Variants in NELL2 observed in about 807,000 individuals in gnomAD.
NELL2 encodes the protein neural EGFL like 2, also known as protein kinase C-binding protein NELL2.
In NELL2, 41 loss-of-function variants were observed where a neutral mutation model predicts 109.6. The observed-to-expected ratio is 0.37, with a 90% CI of 0.29 to 0.49. NELL2 has a LOEUF of 0.49. NELL2 is among the 20% of genes least tolerant of loss of function. The probability of loss-of-function intolerance (pLI) is 0.98; values close to 1 mark genes in which losing one functional copy is unlikely to be tolerated. For missense variants in NELL2, 900 were observed against 1,008.3 expected (o/e 0.89, Z 1.45); for synonymous variants, 355 against 344.7 (o/e 1.03, Z -0.33).
At chr12:44,797,622 A>G (rs961486108) in intron 3 of NELL2, among the ~76,000 whole-genome samples, 1 of 151,900 alleles carries the variant, frequency 6.6e-6, no homozygotes, top group African/African-American at 2.4e-5. Flanking sequence ...GCAATTAGAC[A>G]AAATTACAGA....
chr12:44,521,529 CAA>C (rs56713964), intron 18 of NELL2, among the ~76,000 whole-genome samples: 7 of 111,398 alleles, frequency 6.3e-5, no homozygotes, highest in Non-Finnish European at 3.6e-5. Flanking sequence ...GACTCCGTCT[CAA>C]AAAAAAAAAA....
At chr12:44,818,994 G>T (rs977619566) in intron 2 of NELL2, among the ~76,000 whole-genome samples, 1 of 151,414 alleles carries the variant, frequency 6.6e-6, no homozygotes, top group Non-Finnish European at 1.5e-5. Context: ...CACCCGCCTC[G>T]GCCTCCCAAA....
chr12:44,820,001 T>G (rs943568397), intron 2 of NELL2, among the ~76,000 whole-genome samples: 1 of 152,040 alleles, frequency 6.6e-6, no homozygotes, highest in African/African-American at 2.4e-5. Context: ...CTCAGGATGG[T>G]CTCCTCACCT....
intron 15 of NELL2, among the ~76,000 whole-genome samples, chr12:44,593,875 A>G (rs1944854424): frequency 6.6e-6 from 1 of 152,192 alleles, no homozygotes; most frequent in African/African-American, 2.4e-5. Context: ...AAGTCTTGGA[A>G]CCAACCCAAA....
At chr12:44,721,306 T>A (rs770894118) in intron 9 of NELL2, among the ~76,000 whole-genome samples, 5 of 152,166 alleles carry the variant, frequency 3.3e-5, no homozygotes, top group Non-Finnish European at 5.9e-5. Flanking sequence ...TATAATCAAT[T>A]CATTTAGTCC....
chr12:44,828,067 T>A (rs1285230007), intron 2 of NELL2, among the ~76,000 whole-genome samples: 1 of 152,246 alleles, frequency 6.6e-6, no homozygotes, highest in Non-Finnish European at 1.5e-5. Flanking sequence ...TGATCAATGA[T>A]GTTGAGCACT....
chr12:44,797,087 A>T (rs1942650484), intron 3 of NELL2, among the ~76,000 whole-genome samples: 1 of 152,146 alleles, frequency 6.6e-6, no homozygotes, highest in Non-Finnish European at 1.5e-5. Flanking sequence ...AGGAAAGGGT[A>T]TAATAAAGCA....
chr12:44,897,517 T>C (rs1473016249), intron 1 of NELL2, among the ~76,000 whole-genome samples: 2 of 151,602 alleles, frequency 1.3e-5, no homozygotes, highest in Non-Finnish European at 2.9e-5. Context: ...GCGCAAGGGG[T>C]TGGGGAACTC....
chr12:44,891,448 C>A (rs192708741), intron 1 of NELL2, among the ~76,000 whole-genome samples: 55 of 152,312 alleles, frequency 3.6e-4, no homozygotes, highest in Non-Finnish European at 6.9e-4. Flanking sequence ...CCTCTGCTCT[C>A]GGCTCAGAAA....
At chr12:44,705,783 C>A (rs565866154) in intron 11 of NELL2, among the ~76,000 whole-genome samples, 1 of 152,092 alleles carries the variant, frequency 6.6e-6, no homozygotes, top group African/African-American at 2.4e-5. Flanking sequence ...AATTAAGAAA[C>A]AAAGCTCTAA....
chr12:44,762,731 A>AT (rs992848601), intron 9 of NELL2, among the ~76,000 whole-genome samples: 64 of 152,096 alleles, frequency 4.2e-4, no homozygotes, highest in Admixed American at 4.2e-3. Flanking sequence ...GTTAAATGCT[A>AT]TTTTTTATTA....
chr12:44,872,922 A>G (rs1230573894), intron 2 of NELL2, among the ~76,000 whole-genome samples: 1 of 152,192 alleles, frequency 6.6e-6, no homozygotes, highest in African/African-American at 2.4e-5. Flanking sequence ...GCCAAAGGAA[A>G]TCTCAATGAA....
At chr12:44,894,447 CTG>C (rs1945570944) in intron 1 of NELL2, among the ~76,000 whole-genome samples, 1 of 152,172 alleles carries the variant, frequency 6.6e-6, no homozygotes, top group Non-Finnish European at 1.5e-5. Context: ...GTAAGTGATG[CTG>C]TGTTTTCAAA....
At chr12:44,915,013 C>A (rs1414758615), upstream of NELL2, among the ~76,000 whole-genome samples, 2 of 136,704 alleles carry the variant, frequency 1.5e-5, no homozygotes, top group Non-Finnish European at 3.2e-5. Flanking sequence ...CCACGCCCGG[C>A]TAATTTTTTG....
intron 13 of NELL2, among the ~76,000 whole-genome samples, chr12:44,654,509 C>A (rs959266385): frequency 3.3e-5 from 5 of 152,160 alleles, no homozygotes; most frequent in Non-Finnish European, 7.3e-5. Context: ...TGGGCTGGAC[C>A]TAGTGATTTG....
chr12:44,576,919 C>A (rs1178619766), intron 15 of NELL2, among the ~76,000 whole-genome samples: 1 of 146,966 alleles, frequency 6.8e-6, no homozygotes, highest in Non-Finnish European at 1.5e-5. Context: ...TGTATATGTG[C>A]CACATTTTCT....
chr12:44,714,225 A>T (rs1252946243), intron 10 of NELL2, among the ~76,000 whole-genome samples: 1 of 152,008 alleles, frequency 6.6e-6, no homozygotes, highest in Non-Finnish European at 1.5e-5. Context: ...GATAAATATC[A>T]GTCTCAACTC....
At chr12:44,692,905 TG>T (rs1948943020) in intron 12 of NELL2, among the ~76,000 whole-genome samples, 1 of 152,190 alleles carries the variant, frequency 6.6e-6, no homozygotes, top group South Asian at 2.1e-4. Context: ...AATCTACTCC[TG>T]GTAAAGATGC....
chr12:44,804,174 A>G (rs963844769), intron 3 of NELL2, among the ~76,000 whole-genome samples: 2 of 151,934 alleles, frequency 1.3e-5, no homozygotes, highest in South Asian at 2.1e-4. Flanking sequence ...TCCCACAATC[A>G]AGTGTAATTT....
Sources: allele counts gnomAD v4.1 joint callset (sites outside exome capture counted in the v4.1 genomes callset), GRCh38; gene constraint gnomAD v4.1.1; transcripts MANE v1.5; gene names NCBI Gene and HGNC (gene_info 2026-07-23, HGNC 2026-07-21).